ZMAT5: variants seen among roughly 807,000 people sequenced by gnomAD.
ZMAT5 encodes zinc finger matrin-type 5.
In ZMAT5, 23 loss-of-function variants were observed where a neutral mutation model predicts 28.0. The observed-to-expected ratio is 0.82, with a 90% CI of 0.59 to 1.16. The LOEUF (loss-of-function observed/expected upper bound fraction) is 1.16. Ranked by LOEUF, ZMAT5 falls within the 50% of genes most tolerant of loss-of-function variation. The pLI is 0.00. For missense variants in ZMAT5, 173 were observed against 212.7 expected, an observed-to-expected ratio of 0.81 and a Z score of 1.16; for synonymous variants, 76 against 84.1, an observed-to-expected ratio of 0.90 and a Z score of 0.52.
At chr22:29,736,030 C>G (rs1043817584) in intron 5 of ZMAT5, among the ~76,000 whole-genome samples, 2 of 152,116 alleles carry the variant, frequency 1.3e-5, no homozygotes, top group African/African-American at 4.8e-5. Context: ...GCGGAGGACA[C>G]CATGGACCCA....
intron 5 of ZMAT5, among the ~76,000 whole-genome samples, chr22:29,733,174 T>C (rs1052243469): frequency 6.6e-6 from 1 of 152,200 alleles, no homozygotes; most frequent in Non-Finnish European, 1.5e-5. Flanking sequence ...GCCTTCCCAC[T>C]TCAGCTCCCT....
At chr22:29,738,966 G>A (rs1335543722) in intron 4 of ZMAT5, among the ~76,000 whole-genome samples, 1 of 151,328 alleles carries the variant, frequency 6.6e-6, no homozygotes, top group Non-Finnish European at 1.5e-5. Context: ...AGCTAAGATC[G>A]CACCACTGCA....
intron 2 of ZMAT5, among the ~76,000 whole-genome samples, chr22:29,743,076 G>A (rs1043868069): frequency 2.6e-5 from 4 of 152,134 alleles, no homozygotes; most frequent in African/African-American, 9.7e-5. Context: ...ATACAGGTGT[G>A]AGCCACTGGG....
intron 5 of ZMAT5, among the ~76,000 whole-genome samples, chr22:29,737,965 G>C (rs1309933319): frequency 6.6e-6 from 1 of 152,050 alleles, no homozygotes; most frequent in Non-Finnish European, 1.5e-5. Flanking sequence ...CACCCTCCCT[G>C]TTTTCCCTTC....
At chr22:29,748,306 G>T in intron 2 of ZMAT5, 112 bp downstream of exon 2, 1 of 1,524,392 alleles carries the variant, frequency 6.6e-7, no homozygotes, top group Non-Finnish European at 9.0e-7. Flanking sequence ...CCTCTCTTTT[G>T]ATCCTCAAAG....
intron 4 of ZMAT5, among the ~76,000 whole-genome samples, 184 bp from the exon 5 acceptor site, chr22:29,738,625 C>T (rs113547532): frequency 1.8e-4 from 27 of 152,230 alleles, no homozygotes; most frequent in African/African-American, 6.5e-4. Flanking sequence ...CAGCACTCGG[C>T]CTCGCTCTGT....
chr22:29,763,588 C>T (rs1490872917), intron 1 of ZMAT5, among the ~76,000 whole-genome samples: 2 of 147,336 alleles, frequency 1.4e-5, no homozygotes, highest in Non-Finnish European at 3.0e-5. Flanking sequence ...GGCAACAGAA[C>T]GAGACTCCGT....
chr22:29,765,193 C>T (rs1174806949), intron 1 of ZMAT5, among the ~76,000 whole-genome samples: 7 of 151,742 alleles, frequency 4.6e-5, no homozygotes, highest in Non-Finnish European at 8.8e-5. Flanking sequence ...CCGTGGCAGG[C>T]GGATCACTTG....
At chr22:29,749,935 T>C (rs1242333010) in intron 1 of ZMAT5, among the ~76,000 whole-genome samples, 1 of 152,230 alleles carries the variant, frequency 6.6e-6, no homozygotes, top group Non-Finnish European at 1.5e-5. Flanking sequence ...CATGCAGAAC[T>C]GTGAGTCACT....
At chr22:29,762,461 T>C (rs2068166628) in intron 1 of ZMAT5, among the ~76,000 whole-genome samples, 1 of 152,210 alleles carries the variant, frequency 6.6e-6, no homozygotes, top group African/African-American at 2.4e-5. Context: ...CCACTCCCCA[T>C]TGCTCGCATT....
intron 3 of ZMAT5, among the ~76,000 whole-genome samples, chr22:29,740,981 A>G (rs1337477255): frequency 9.2e-5 from 14 of 151,982 alleles, no homozygotes; most frequent in Non-Finnish European, 1.5e-5. Flanking sequence ...ATCACTTCCA[A>G]CTGAAGCCTG....
intron 4 of ZMAT5, among the ~76,000 whole-genome samples, chr22:29,739,179 A>C (rs2067937749): frequency 6.6e-6 from 1 of 152,214 alleles, no homozygotes; most frequent in African/African-American, 2.4e-5. Context: ...TTTTATTCTC[A>C]TAAGCTGTCC....
intron 1 of ZMAT5, among the ~76,000 whole-genome samples, chr22:29,753,939 G>T (rs555056137): frequency 6.6e-6 from 1 of 152,154 alleles, no homozygotes; most frequent in East Asian, 1.9e-4. Flanking sequence ...TTAGGATAAG[G>T]TTCAACTTGC....
chr22:29,742,771 G>A (rs1212312320), intron 2 of ZMAT5, among the ~76,000 whole-genome samples: 1 of 152,122 alleles, frequency 6.6e-6, no homozygotes, highest in Non-Finnish European at 1.5e-5. Flanking sequence ...GGAGTCAGCT[G>A]GAGAGTCTGG....
chr22:29,762,485 C>T lies in ZMAT5; in HGVS notation c.-28+4387G>A, dbSNP rs528495994. Reference sequence around the variant, plus strand: ...ATTGCTCGCATTACCGCCTGAGCTTCGTCTCCTGTCAGATCATCGGCAGCA... The same window carrying T: ...ATTGCTCGCATTACCGCCTGAGCTTTGTCTCCTGTCAGATCATCGGCAGCA... On this transcript the variant is annotated intron_variant, in intron 1 of 5. Coordinates refer to ENST00000344318, the MANE Select transcript of ZMAT5 (RefSeq NM_001003692.2). Among the ~76,000 whole-genome samples the T allele has an allele frequency of 5.3e-5, 8 of 152,288 alleles. No homozygotes were observed. The South Asian group carries it at 1.2e-3, about 24-fold the overall frequency.
chr22:29,731,471 CT>C, intron 5 of ZMAT5, 117 bp from the exon 6 acceptor site: 1 of 1,387,972 alleles, frequency 7.2e-7, no homozygotes, highest in Non-Finnish European at 9.5e-7. Context: ...GCCTGCATGA[CT>C]TTTCTGGAAG....
chr22:29,756,075 C>T (rs1421286336), intron 1 of ZMAT5, among the ~76,000 whole-genome samples: 2 of 152,276 alleles, frequency 1.3e-5, no homozygotes, highest in African/African-American at 2.4e-5. Flanking sequence ...GCCAACAGCT[C>T]GGCCTTTGGC....
chr22:29,756,557 C>T (rs905180272), intron 1 of ZMAT5, among the ~76,000 whole-genome samples: 3 of 152,126 alleles, frequency 2.0e-5, no homozygotes, highest in Non-Finnish European at 4.4e-5. Flanking sequence ...ATTTCTGACT[C>T]GGCAGGTCTG....
chr22:29,766,637 G>A (rs1015687611), intron 1 of ZMAT5, among the ~76,000 whole-genome samples: 14 of 152,236 alleles, frequency 9.2e-5, no homozygotes, highest in African/African-American at 2.7e-4. Flanking sequence ...GCGAAGCCCA[G>A]GGGTGAGAGG....
Sources: gnomAD v4.1 joint callset for allele counts (sites outside exome capture counted in the v4.1 genomes callset) on GRCh38, gnomAD v4.1.1 for gene constraint, MANE v1.5 for transcripts, NCBI Gene and HGNC (gene_info 2026-07-23, HGNC 2026-07-21) for gene names.